SMC1B: variants seen among roughly 807,000 people sequenced by gnomAD.
SMC1B encodes the protein structural maintenance of chromosomes protein 1B.
A neutral mutation model predicts 157.9 loss-of-function variants in SMC1B; 60 were observed. That is an observed-to-expected ratio of 0.38 (90% confidence interval 0.31 to 0.47). The LOEUF (loss-of-function observed/expected upper bound fraction) is 0.47. Among genes scored for constraint, SMC1B ranks in the 20% least tolerant of loss-of-function variants. SMC1B has a pLI of 0.99. For synonymous variants in SMC1B, 445 were observed against 483.0 expected, an observed-to-expected ratio of 0.92 and a Z score of 1.03; for missense variants, 1,165 against 1,426.2, an observed-to-expected ratio of 0.82 and a Z score of 2.95.
rs1484558007 is a variant in SMC1B, at chr22:45,370,701, TAC to T, written c.2314-643_2314-642del. On this transcript the variant is annotated intron_variant, in intron 14 of 24. Transcript: ENST00000357450. The stretch of plus-strand genomic sequence containing the variant: ...CTAGATAATCCAAGTCATGGAAAGT[TAC>T]AGTTATAAACATACAGACCCACAAT... Among the ~76,000 whole-genome samples the T allele has an allele frequency of 7.9e-5, 12 of 152,296 alleles. No homozygotes were observed. In the South Asian group the frequency reaches 2.3e-3, roughly 29 times the overall value.
At chr22:45,385,885 T>A (rs752935652) in intron 11 of SMC1B, among the ~76,000 whole-genome samples, 1 of 152,070 alleles carries the variant, frequency 6.6e-6, no homozygotes, top group Non-Finnish European at 1.5e-5. Context: ...GTTAGATAAG[T>A]CAATAAATTT....
chr22:45,408,256 G>A (rs2087286914), intron 2 of SMC1B, among the ~76,000 whole-genome samples: 1 of 152,128 alleles, frequency 6.6e-6, no homozygotes, highest in African/African-American at 2.4e-5. Flanking sequence ...CTCCCGAGTA[G>A]CTGGGACTAC....
At chr22:45,367,968 A>G (rs769156349) in intron 15 of SMC1B, among the ~76,000 whole-genome samples, 30 of 152,156 alleles carry the variant, frequency 2.0e-4, no homozygotes, top group Non-Finnish European at 4.3e-4. Context: ...GCTTGATTCT[A>G]TTCTGACATT....
At position 45,402,462 on chromosome 22, in the gene SMC1B, A is replaced by G. The variant is rs1487993165; in HGVS notation, c.725T>C (p.Leu242Ser). 1 of 1,613,890 alleles carries G rather than the reference A, an allele frequency of 6.2e-7. No homozygotes were observed. The highest frequency in any genetic ancestry group is 1.1e-5 in the South Asian group (1 of 91,074). The change falls in exon 5 of 25, where the codon TTA becomes TCA. Residue 242 changes from leucine to serine, a missense_variant. By Grantham distance (145) the Leu-to-Ser change is moderately radical. Coordinates refer to ENST00000357450, the MANE Select transcript of SMC1B (RefSeq NM_148674.5). ...ACTCAAATCCCTATTCACATGCTCT[A>G]ACTTGGTGTTCAGGAGATGAATCTT... ...EKKIHLLNTK[L>S]EHVNRDLSVK...
At chr22:45,390,066 T>C (rs1256443588) in intron 9 of SMC1B, among the ~76,000 whole-genome samples, 169 bp from the exon 10 acceptor site, 3 of 152,168 alleles carry the variant, frequency 2.0e-5, no homozygotes, top group African/African-American at 7.2e-5. Context: ...CATTATGCAA[T>C]GTCCATCTAG....
Position 45,406,748 on chromosome 22 carries a change from C to T in SMC1B, c.411+5G>A. ...TGAATCAAATAAACTACTATAGCTA[C>T]TTACCTGAAAAACCAAACAATTTTG... is the stretch of plus-strand genomic sequence containing the variant. On this transcript the variant is annotated splice_donor_5th_base_variant and intron_variant, in intron 3 of 24. Coordinates refer to ENST00000357450, the MANE Select transcript of SMC1B (RefSeq NM_148674.5). The T allele has an allele frequency of 6.3e-7, 1 of 1,588,166 alleles. No homozygotes were observed. The highest frequency in any genetic ancestry group is 8.5e-7 in the Non-Finnish European group (1 of 1,172,240).
At chr22:45,385,013 T>A (rs2146817537) in intron 11 of SMC1B, among the ~76,000 whole-genome samples, 1 of 152,270 alleles carries the variant, frequency 6.6e-6, no homozygotes, top group South Asian at 2.1e-4. Flanking sequence ...AAGGGCACAG[T>A]ATAAATAGAT....
intron 7 of SMC1B, among the ~76,000 whole-genome samples, chr22:45,395,655 C>T (rs2087114434): frequency 6.6e-6 from 1 of 152,118 alleles, no homozygotes; most frequent in South Asian, 2.1e-4. Context: ...GTCAGGAGTT[C>T]AAGACCAGCC....
rs55783075 is a variant in SMC1B, at chr22:45,407,009, G to C, written c.299-144C>G. On this transcript the variant is annotated intron_variant, in intron 2 of 24. Transcript: ENST00000357450. ...ACATGGGAATAAATGCATTTAATGA[G>C]TCAACAAATATTGAGTGTCTATTAC... is the stretch of plus-strand genomic sequence containing the variant. The C allele has an allele frequency of 4.5e-3, 2,614 of 585,554 alleles. 57 individuals are homozygous for C. The highest frequency in any genetic ancestry group is 0.044 in the African/African-American group (2,316 of 52,388). 36.3% of individuals were successfully genotyped at this position (585,554 alleles called of 1,614,324 possible).
At chr22:45,395,263 G>A (rs713759) in intron 7 of SMC1B, among the ~76,000 whole-genome samples, 92,711 of 152,008 alleles carry the variant, frequency 0.61, 30,325 homozygotes, top group African/African-American at 0.85. Flanking sequence ...ATAGGCACCT[G>A]TAGGGCAACT....
In SMC1B at chr22:45,372,643, C is replaced by T. The variant is rs190435783; in HGVS notation, c.2059-351G>A. 2.6e-5 allele frequency among the ~76,000 whole-genome samples: 4 copies of T among 151,484 alleles called. No individual in the cohort carries two copies. The East Asian group carries it at 7.8e-4, about 29-fold the overall frequency. The stretch of plus-strand genomic sequence containing the variant: ...CTGTTTTGGCTTGCCTCTCTCACTC[C>T]CTTCTTCTTTCACTCACCTTATTAC... On this transcript the variant is annotated intron_variant, in intron 12 of 24. Coordinates refer to ENST00000357450, the MANE Select transcript of SMC1B (RefSeq NM_148674.5).
chr22:45,365,345 C>CAGTGAAT (rs2086765281), intron 15 of SMC1B, among the ~76,000 whole-genome samples: 2 of 152,140 alleles, frequency 1.3e-5, no homozygotes. Flanking sequence ...CTAGAATACA[C>CAGTGAAT]AGTGAATAAG....
chr22:45,354,814 A>C (rs1199849627), intron 20 of SMC1B, 145 bp downstream of exon 20: 3 of 625,142 alleles, frequency 4.8e-6, no homozygotes, highest in Non-Finnish European at 8.1e-6. Flanking sequence ...TTAATGATTC[A>C]GTATTAAAAG....
At chr22:45,358,121 G>T (rs1165668431) in intron 19 of SMC1B, among the ~76,000 whole-genome samples, 1 of 152,186 alleles carries the variant, frequency 6.6e-6, no homozygotes, top group African/African-American at 2.4e-5. Context: ...TGCTGGGAGG[G>T]TGACATGCCC....
In SMC1B at chr22:45,383,488, G is replaced by T; in HGVS notation, c.2037C>A (p.Ser679Arg). The change falls in exon 12 of 25, where the codon AGC becomes AGA. Residue 679 changes from serine (S) to arginine (R), a missense_variant. Transcript: ENST00000357450. ...TTACCTTTAGCTCTTGGATTTTCTG[G>T]CTTCGTCTGTCTCTTAGATTCTTTA... ...KELKNLRDRRSQKIQELKGLM... is the reference protein window; with the variant it reads ...KELKNLRDRRRQKIQELKGLM... The T allele has an allele frequency of 6.3e-7, 1 of 1,598,944 alleles. No homozygotes were observed. The highest frequency in any genetic ancestry group is 8.5e-7 in the Non-Finnish European group (1 of 1,175,500).
chr22:45,375,964 A>G (rs2086879987), intron 12 of SMC1B, among the ~76,000 whole-genome samples: 1 of 152,176 alleles, frequency 6.6e-6, no homozygotes. Flanking sequence ...TCTTTTTTAT[A>G]TGTTACATAG....
chr22:45,385,093 T>C (rs1012740920), intron 11 of SMC1B, among the ~76,000 whole-genome samples: 2 of 152,152 alleles, frequency 1.3e-5, no homozygotes, highest in African/African-American at 2.4e-5. Flanking sequence ...AATAATTGTA[T>C]CTCTGGTTAA....
intron 12 of SMC1B, among the ~76,000 whole-genome samples, chr22:45,372,766 G>A (rs2086847286): frequency 7.4e-6 from 1 of 134,390 alleles, no homozygotes; most frequent in Non-Finnish European, 1.5e-5. Context: ...AGACTGGAGT[G>A]CAGTGGCACA....
intron 9 of SMC1B, among the ~76,000 whole-genome samples, chr22:45,392,074 G>A (rs1163370064): frequency 1.3e-5 from 2 of 152,290 alleles, no homozygotes; most frequent in African/African-American, 4.8e-5. Flanking sequence ...AGCCTCCCAA[G>A]TAGCTGGGAT....
Sources: allele counts gnomAD v4.1 joint callset (sites outside exome capture counted in the v4.1 genomes callset), GRCh38; gene constraint gnomAD v4.1.1; transcripts MANE v1.5; gene names NCBI Gene and HGNC (gene_info 2026-07-23, HGNC 2026-07-21).